PRKN: variants seen among roughly 807,000 people sequenced by gnomAD.
PRKN encodes the protein parkin RBR E3 ubiquitin protein ligase.
PRKN carries 56 observed loss-of-function variants against 59.5 expected under a neutral mutation model. That is an observed-to-expected ratio of 0.94 (90% CI 0.76 to 1.18). The LOEUF (loss-of-function observed/expected upper bound fraction) is 1.18. Among genes scored for constraint, PRKN ranks in the 50% most tolerant of loss-of-function variants. The probability of loss-of-function intolerance (pLI) is 0.00; values close to 1 mark genes in which losing one functional copy is unlikely to be tolerated. For missense variants in PRKN, 657 were observed against 596.4 expected (o/e 1.10, Z -1.06); for synonymous variants, 250 against 222.1 (o/e 1.13, Z -1.12).
At chr6:162,278,394 C>T (rs1236323988) in intron 2 of PRKN, among the ~76,000 whole-genome samples, 1 of 152,044 alleles carries the variant, frequency 6.6e-6, no homozygotes, top group Non-Finnish European at 1.5e-5. Flanking sequence ...TGTCCAGACC[C>T]ACAGAGTGTA....
intron 7 of PRKN, among the ~76,000 whole-genome samples, chr6:161,583,472 A>T (rs565496554): frequency 2.1e-4 from 32 of 151,018 alleles, no homozygotes; most frequent in Non-Finnish European, 4.4e-4. Flanking sequence ...TTTTTTTCCT[A>T]TTTAGGAGAA....
chr6:161,589,543 T>A (rs1180117211), intron 7 of PRKN, among the ~76,000 whole-genome samples: 1 of 151,936 alleles, frequency 6.6e-6, no homozygotes, highest in Non-Finnish European at 1.5e-5. Context: ...TAACTCGTGG[T>A]CAAAGTTTTC....
chr6:161,882,330 G>A (rs1023921864), intron 6 of PRKN, among the ~76,000 whole-genome samples: 1 of 152,158 alleles, frequency 6.6e-6, no homozygotes, highest in Admixed American at 6.5e-5. Flanking sequence ...TCACAGCAAC[G>A]GCATGGGGGC....
chr6:162,644,057 C>CT (rs1461019760), intron 1 of PRKN: 2 of 152,254 alleles, frequency 1.3e-5, no homozygotes, highest in African/African-American at 2.4e-5. Context: ...AAGCCCAGCT[C>CT]TACCTCCTCT....
At chr6:161,979,585 T>TC (rs1281765993) in intron 5 of PRKN, among the ~76,000 whole-genome samples, 1 of 152,184 alleles carries the variant, frequency 6.6e-6, no homozygotes, top group Non-Finnish European at 1.5e-5. Flanking sequence ...GTTTTCCACT[T>TC]CATTAGTATT....
chr6:162,547,370 A>C (rs1269280529), intron 1 of PRKN, among the ~76,000 whole-genome samples: 2 of 152,178 alleles, frequency 1.3e-5, no homozygotes, highest in African/African-American at 2.4e-5. Context: ...GTTACAGCCA[A>C]ATTTTATCAA....
intron 7 of PRKN, among the ~76,000 whole-genome samples, chr6:161,690,637 T>C (rs1785744001): frequency 6.6e-6 from 1 of 152,198 alleles, no homozygotes; most frequent in Non-Finnish European, 1.5e-5. Context: ...CCAGAATGGA[T>C]GGGCAGCATC....
intron 2 of PRKN, among the ~76,000 whole-genome samples, chr6:162,389,007 G>GAAAAAAAAA (rs71278564): frequency 1.9e-5 from 2 of 104,166 alleles, no homozygotes; most frequent in African/African-American, 7.1e-5. Flanking sequence ...AGTTCCTCCA[G>GAAAAAAAAA]AAAAAAAAAA....
chr6:161,555,728 T>A (rs542161913), intron 8 of PRKN, among the ~76,000 whole-genome samples: 37 of 152,322 alleles, frequency 2.4e-4, no homozygotes, highest in African/African-American at 8.7e-4. Context: ...TACAGACTTT[T>A]GCACTCATTC....
At chr6:161,736,896 G>C (rs1787987072) in intron 7 of PRKN, among the ~76,000 whole-genome samples, 1 of 152,180 alleles carries the variant, frequency 6.6e-6, no homozygotes, top group African/African-American at 2.4e-5. Flanking sequence ...GGCTTCAATG[G>C]CCTGAGTCTC....
intron 7 of PRKN, among the ~76,000 whole-genome samples, chr6:161,585,098 T>C (rs1317196388): frequency 6.6e-6 from 1 of 152,210 alleles, no homozygotes; most frequent in East Asian, 1.9e-4. Context: ...ATCTAATTTA[T>C]CTGTAGTCAG....
At chr6:161,740,648 G>C (rs928783655) in intron 7 of PRKN, among the ~76,000 whole-genome samples, 1 of 152,246 alleles carries the variant, frequency 6.6e-6, no homozygotes, top group Non-Finnish European at 1.5e-5. Flanking sequence ...TTTTACAACT[G>C]TAATGAACGG....
intron 6 of PRKN, among the ~76,000 whole-genome samples, chr6:161,852,107 T>C (rs1793462898): frequency 7.0e-6 from 1 of 141,854 alleles, no homozygotes; most frequent in Admixed American, 7.0e-5. Flanking sequence ...AAAAAATTAA[T>C]TGTTACTGTG....
intron 4 of PRKN, among the ~76,000 whole-genome samples, chr6:162,095,431 C>T (rs1779685700): frequency 6.6e-6 from 1 of 152,058 alleles, no homozygotes; most frequent in Admixed American, 6.6e-5. Flanking sequence ...GTATGCAGCA[C>T]ACCATATATG....
intron 5 of PRKN, among the ~76,000 whole-genome samples, chr6:161,994,253 A>G (rs2128259764): frequency 6.6e-6 from 1 of 152,190 alleles, no homozygotes; most frequent in South Asian, 2.1e-4. Context: ...AAAAAAAAAA[A>G]AGAAAGTGAA....
intron 9 of PRKN, among the ~76,000 whole-genome samples, chr6:161,437,210 C>T (rs546594790): frequency 1.1e-4 from 17 of 152,088 alleles, no homozygotes; most frequent in Admixed American, 7.2e-4. Flanking sequence ...TGTGGACTCC[C>T]GCTCTCTCTA....
At chr6:162,621,462 C>G (rs959947837) in intron 1 of PRKN, among the ~76,000 whole-genome samples, 1 of 152,140 alleles carries the variant, frequency 6.6e-6, no homozygotes, top group Non-Finnish European at 1.5e-5. Flanking sequence ...CTAATCCCAG[C>G]CAATCTTCCA....
chr6:162,256,069 G>A (rs1174243535), intron 3 of PRKN, among the ~76,000 whole-genome samples: 4 of 152,066 alleles, frequency 2.6e-5, no homozygotes, highest in Non-Finnish European at 4.4e-5. Flanking sequence ...GGGGATTGAG[G>A]AAGAATTGTA....
chr6:161,650,102 A>G (rs74766886), intron 7 of PRKN, among the ~76,000 whole-genome samples: 15,275 of 152,210 alleles, frequency 0.1, 882 homozygotes, highest in African/African-American at 0.15. Flanking sequence ...ATCTCAACCT[A>G]CAGGTCGTTC....
Sources: gnomAD v4.1 joint callset for allele counts (sites outside exome capture counted in the v4.1 genomes callset) on GRCh38, gnomAD v4.1.1 for gene constraint, MANE v1.5 for transcripts, NCBI Gene and HGNC (gene_info 2026-07-23, HGNC 2026-07-21) for gene names.